Variants in PPP4R3A observed in about 807,000 individuals in gnomAD.
PPP4R3A encodes the protein serine/threonine-protein phosphatase 4 regulatory subunit 3A.
PPP4R3A carries 15 observed loss-of-function variants against 91.7 expected under a neutral mutation model. That is an observed-to-expected ratio of 0.16 (90% confidence interval 0.11 to 0.25). The LOEUF (loss-of-function observed/expected upper bound fraction) is 0.25, where lower values mean the gene tolerates loss of function less well. Ranked by LOEUF, PPP4R3A falls within the 10% of genes least tolerant of loss-of-function variation. The pLI is 1.00. For synonymous variants in PPP4R3A, 377 were observed against 348.7 expected (o/e 1.08, Z -0.91); for missense variants, 623 against 998.4 (o/e 0.62, Z 5.07).
At chr14:91,483,614 A>G (rs1358525047) in intron 3 of PPP4R3A, among the ~76,000 whole-genome samples, 1 of 152,214 alleles carries the variant, frequency 6.6e-6, no homozygotes, top group Non-Finnish European at 1.5e-5. Flanking sequence ...TTTTGAGTTG[A>G]GCAAATTGGT....
intron 1 of PPP4R3A, among the ~76,000 whole-genome samples, chr14:91,502,512 C>T (rs1366357578): frequency 6.6e-6 from 1 of 152,172 alleles, no homozygotes; most frequent in Non-Finnish European, 1.5e-5. Flanking sequence ...TTGGCATATA[C>T]AAGATTCTAT....
chr14:91,495,982 T>C (rs1333174931), intron 1 of PPP4R3A, among the ~76,000 whole-genome samples: 1 of 152,084 alleles, frequency 6.6e-6, no homozygotes, highest in African/African-American at 2.4e-5. Context: ...TAAATATTCA[T>C]ACAATGGATA....
intron 3 of PPP4R3A, among the ~76,000 whole-genome samples, chr14:91,483,606 T>C (rs553659980): frequency 2.7e-4 from 41 of 152,332 alleles, no homozygotes; most frequent in African/African-American, 5.3e-4. Flanking sequence ...TGCCATCTTT[T>C]TGAGTTGAGC....
intron 1 of PPP4R3A, among the ~76,000 whole-genome samples, chr14:91,508,849 A>G (rs147685603): frequency 9.3e-4 from 141 of 152,350 alleles, no homozygotes; most frequent in Non-Finnish European, 1.5e-3. Flanking sequence ...ATATGATTCC[A>G]ACTTTGCAAG....
intron 3 of PPP4R3A, among the ~76,000 whole-genome samples, chr14:91,482,449 C>T (rs183117696): frequency 1.9e-3 from 296 of 152,246 alleles, no homozygotes; most frequent in Non-Finnish European, 2.5e-3. Context: ...CTTTCTAGGA[C>T]AGGCTAAACT....
rs1207199073 is a variant in PPP4R3A at position 91,509,883 on chromosome 14, C to A, written c.-236G>T. 2.7e-6 allele frequency: 3 copies of A among 1,092,300 alleles called. No individual in the cohort carries two copies. Among genetic ancestry groups the A allele is most frequent in the Non-Finnish European group, 2.2e-6 (2 of 900,588 alleles). The allele number at this position is 1,092,300 out of a possible 1,614,324, so 67.7% of individuals were successfully genotyped here. A position where few individuals can be genotyped will look rare whatever the true frequency, so the allele number is the denominator to read the frequency against. ...CCCCGGCGCTATTGTCCAGGCCTGGCGAGCCCGGCGCCCGGCAGCCCCGAG... is the reference window on the plus strand; with the variant it reads ...CCCCGGCGCTATTGTCCAGGCCTGGAGAGCCCGGCGCCCGGCAGCCCCGAG... On this transcript the variant is annotated 5_prime_UTR_variant, in exon 1 of 15. Coordinates refer to ENST00000554943, the MANE Select transcript of PPP4R3A (RefSeq NM_001366432.2).
At chr14:91,461,293 C>T in intron 14 of PPP4R3A, 88 bp downstream of exon 14, 2 of 1,184,932 alleles carry the variant, frequency 1.7e-6, no homozygotes, top group East Asian at 4.7e-5. Flanking sequence ...TTCTAGGTGG[C>T]AGTAACCAAA....
intron 14 of PPP4R3A, among the ~76,000 whole-genome samples, chr14:91,459,272 A>G (rs557361709): frequency 1.4e-4 from 21 of 151,864 alleles, no homozygotes; most frequent in Non-Finnish European, 2.6e-4. Flanking sequence ...CGCCTGGGTA[A>G]TTTTTGTATT....
In PPP4R3A at chr14:91,470,859, C is replaced by T. The variant is rs750146921; in HGVS notation, c.1638G>A (p.Ser546=). 18 of 1,609,134 alleles carry T rather than the reference C, an allele frequency of 1.1e-5. No homozygotes were observed. The South Asian group carries it at 1.3e-4, about 12-fold the overall frequency. ...TACATAATGCCAAGAAAGCATGCTT[C>T]GAGGCCATAAGAACTAGCACTCTCC... ...ILRRVLVLMA[S]KHAFLALCAL... Residue 546 remains serine, a synonymous_variant, in exon 10 of 15, where the codon TCG becomes TCA. Coordinates refer to ENST00000554943, the MANE Select transcript of PPP4R3A (RefSeq NM_001366432.2).
chr14:91,474,416 G>A (rs1000068103), intron 7 of PPP4R3A, among the ~76,000 whole-genome samples: 22 of 152,080 alleles, frequency 1.4e-4, no homozygotes, highest in African/African-American at 4.6e-4. Flanking sequence ...AGAAAATGCA[G>A]ACAGTAGATG....
chr14:91,462,712 G>C (rs773346746), intron 12 of PPP4R3A, 23 bp downstream of exon 12: 1 of 1,612,708 alleles, frequency 6.2e-7, no homozygotes, highest in Non-Finnish European at 8.5e-7. Context: ...TGAACGAATA[G>C]GTTTAAATAT....
chr14:91,462,208 G>C lies in PPP4R3A; in HGVS notation c.2005C>G (p.Arg669Gly). The change falls in exon 13 of 15, where the codon CGA (arginine) becomes GGA (glycine). Residue 669 changes from arginine to glycine, a missense_variant. Arg to Gly is a moderately radical substitution (Grantham distance 125). Around this residue, in one of 5 missense-constraint regions of PPP4R3A, gnomAD observed 201 missense variants for 229.9 expected, o/e 0.87. Coordinates refer to ENST00000554943, the MANE Select transcript of PPP4R3A (RefSeq NM_001366432.2). Reference sequence around the variant, plus strand: ...TCTTCTAGTGTTCTGGCATCTCTTCGATATCTGTGATTCCTCAAAATGGAA... The same window carrying C: ...TCTTCTAGTGTTCTGGCATCTCTTCCATATCTGTGATTCCTCAAAATGGAA... ...MRSILRNHRY[R>G]RDARTLEDEE... 6.3e-7 allele frequency: 1 copy of C among 1,593,498 alleles called. No homozygotes were observed. The highest frequency in any genetic ancestry group is 8.5e-7 in the Non-Finnish European group (1 of 1,173,556).
chr14:91,496,222 A>G (rs374598233), intron 1 of PPP4R3A, among the ~76,000 whole-genome samples: 2 of 152,186 alleles, frequency 1.3e-5, no homozygotes, highest in Non-Finnish European at 2.9e-5. Flanking sequence ...TGTTTTTTCA[A>G]TGGTGTGCTG....
intron 1 of PPP4R3A, 77 bp from the exon 2 acceptor site, chr14:91,490,879 T>C: frequency 1.5e-6 from 1 of 660,738 alleles, no homozygotes; most frequent in Non-Finnish European, 2.3e-6. Flanking sequence ...CACACATATT[T>C]CCTTAAAAAA....
chr14:91,509,128 G>A (rs1024464198), intron 1 of PPP4R3A, among the ~76,000 whole-genome samples: 5 of 152,218 alleles, frequency 3.3e-5, no homozygotes, highest in African/African-American at 1.2e-4. Context: ...CTGCTTTACA[G>A]ATGGGTGAAC....
intron 1 of PPP4R3A, among the ~76,000 whole-genome samples, chr14:91,495,302 A>ATTTGTGTGTGTGTGTGTGTGTG (rs1555437567): frequency 7.1e-6 from 1 of 140,870 alleles, no homozygotes; most frequent in Non-Finnish European, 1.5e-5. Flanking sequence ...CAGATACATA[A>ATTTGTGTGTGTGTGTGTGTGTG]TGTGTGTGTG....
chr14:91,468,667 C>CAAAAAA (rs766250846), intron 10 of PPP4R3A, among the ~76,000 whole-genome samples: 2,242 of 43,360 alleles, frequency 0.052, 69 homozygotes, highest in East Asian at 0.098. Context: ...GACTCCGTCT[C>CAAAAAA]AAAAAAAAAA....
intron 1 of PPP4R3A, 48 bp downstream of exon 1, chr14:91,509,458 C>G: frequency 6.5e-7 from 1 of 1,545,078 alleles, no homozygotes; most frequent in Non-Finnish European, 8.7e-7. Flanking sequence ...GGAGGCGGCC[C>G]AGGGCCGTGG....
In PPP4R3A at chr14:91,461,480, A is replaced by G. The variant is rs200266836; in HGVS notation, c.2292T>C (p.Asn764=). ...CAGGTGATCCCGGAGAACCAGGCAGATTTGTTGTAGATGACTGGCTGGTGA... is the reference window on the plus strand; with the variant it reads ...CAGGTGATCCCGGAGAACCAGGCAGGTTTGTTGTAGATGACTGGCTGGTGA... ...TNLTSQSSTT[N]LPGSPGSPGS... Residue 764 remains asparagine, a synonymous_variant, in exon 14 of 15, where the codon AAT becomes AAC. Coordinates refer to ENST00000554943, the MANE Select transcript of PPP4R3A (RefSeq NM_001366432.2). The G allele has an allele frequency of 5.8e-5, 93 of 1,614,182 alleles. No homozygotes were observed. Among genetic ancestry groups the G allele is most frequent in the Admixed American group, 5.3e-4 (32 of 60,014 alleles).
Sources: gnomAD v4.1 joint callset for allele counts (sites outside exome capture counted in the v4.1 genomes callset) on GRCh38, gnomAD v4.1.1 for gene constraint, gnomAD v4.1.1 regional missense constraint, MANE v1.5 for transcripts, NCBI Gene and HGNC (gene_info 2026-07-23, HGNC 2026-07-21) for gene names.